Variants in PLCB4 observed in about 807,000 individuals in gnomAD.
PLCB4 encodes phospholipase C beta 4.
Under a neutral mutation model 178.8 loss-of-function variants are expected in PLCB4, and 77 were observed. The observed-to-expected ratio is 0.43, with a 90% confidence interval of 0.36 to 0.52. The LOEUF is 0.52. PLCB4 is among the 20% of genes least tolerant of loss of function. PLCB4 has a pLI of 0.00. For missense variants in PLCB4, 1,024 were observed against 1,453.4 expected (o/e 0.70, Z 4.80); for synonymous variants, 496 against 490.8 (o/e 1.01, Z -0.14).
chr20:9,437,090 G>T lies in PLCB4; in HGVS notation c.2702G>T (p.Ser901Ile). ...NTAKANVTPQSSSELRPTTTA... is the reference protein window; with the variant it reads ...NTAKANVTPQISSELRPTTTA... Reference sequence around the variant, plus strand: ...GCCAAAGCAAATGTGACCCCTCAGAGTAGCTCTGAGCTCAGACCAACCACC... The same window carrying T: ...GCCAAAGCAAATGTGACCCCTCAGATTAGCTCTGAGCTCAGACCAACCACC... Residue 901 changes from serine to isoleucine, a missense_variant, in exon 30 of 40, where the codon AGT becomes ATT. Transcript: ENST00000378473. 6.2e-7 allele frequency: 1 copy of T among 1,614,102 alleles called. No individual in the cohort carries two copies. The highest frequency in any genetic ancestry group is 8.5e-7 in the Non-Finnish European group (1 of 1,179,972).
intron 3 of PLCB4, among the ~76,000 whole-genome samples, chr20:9,229,165 C>CT (rs1277339014): frequency 6.6e-6 from 1 of 152,092 alleles, no homozygotes; most frequent in African/African-American, 2.4e-5. Context: ...ATAAAGCAGC[C>CT]TTTTTTAAGG....
chr20:9,374,094 A>G (rs945160396), intron 12 of PLCB4, among the ~76,000 whole-genome samples: 1 of 152,208 alleles, frequency 6.6e-6, no homozygotes. Flanking sequence ...GCCACTTCAT[A>G]GAGACAAATT....
At chr20:9,476,128 G>C (rs2044526321) in intron 38 of PLCB4, among the ~76,000 whole-genome samples, 1 of 152,176 alleles carries the variant, frequency 6.6e-6, no homozygotes, top group Non-Finnish European at 1.5e-5. Flanking sequence ...AACCAGTGTT[G>C]GGGGCACTGG....
chr20:9,418,479 A>G (rs1466852940), intron 25 of PLCB4, among the ~76,000 whole-genome samples: 1 of 152,152 alleles, frequency 6.6e-6, no homozygotes, highest in Non-Finnish European at 1.5e-5. Context: ...GGCCATAGAT[A>G]ACGTGGATTT....
At chr20:9,143,131 G>A (rs1285358245) in intron 2 of PLCB4, among the ~76,000 whole-genome samples, 1 of 152,090 alleles carries the variant, frequency 6.6e-6, no homozygotes, top group Admixed American at 6.6e-5. Flanking sequence ...CCATCCCTGT[G>A]ACTTGTACCT....
intron 3 of PLCB4, among the ~76,000 whole-genome samples, chr20:9,244,207 A>C (rs1429292961): frequency 1.3e-5 from 2 of 152,178 alleles, no homozygotes; most frequent in Non-Finnish European, 2.9e-5. Context: ...GAACTTTCCC[A>C]CATTTTCTAG....
intron 2 of PLCB4, among the ~76,000 whole-genome samples, chr20:9,178,190 G>A (rs537245265): frequency 6.5e-4 from 99 of 152,164 alleles, no homozygotes; most frequent in African/African-American, 2.0e-3. Context: ...CTGTGGTGGC[G>A]GGATCCTGTA....
chr20:9,292,983 G>A (rs907307510), intron 3 of PLCB4, among the ~76,000 whole-genome samples: 3 of 152,164 alleles, frequency 2.0e-5, no homozygotes, highest in Non-Finnish European at 4.4e-5. Flanking sequence ...GGAGGCTGAG[G>A]CAGGAGAATC....
At chr20:9,463,062 G>A (rs147514867) in intron 35 of PLCB4, among the ~76,000 whole-genome samples, 44 of 152,250 alleles carry the variant, frequency 2.9e-4, no homozygotes, top group African/African-American at 8.4e-4. Context: ...GACTAACAGC[G>A]GACCTCTCGG....
chr20:9,209,559 CAG>C (rs940131985), intron 2 of PLCB4, among the ~76,000 whole-genome samples: 3 of 152,148 alleles, frequency 2.0e-5, no homozygotes, highest in Non-Finnish European at 4.4e-5. Flanking sequence ...AAGATTCCAT[CAG>C]GGGAGATTCT....
intron 3 of PLCB4, among the ~76,000 whole-genome samples, chr20:9,292,532 A>T (rs2094589281): frequency 6.6e-6 from 1 of 152,176 alleles, no homozygotes; most frequent in African/African-American, 2.4e-5. Context: ...TTACTAAGGG[A>T]CAGTGATCAG....
intron 5 of PLCB4, among the ~76,000 whole-genome samples, chr20:9,337,801 A>G (rs140658468): frequency 1.8e-4 from 28 of 151,950 alleles, no homozygotes; most frequent in Non-Finnish European, 2.6e-4. Context: ...ATATGTATGT[A>G]TATATATATA....
At chr20:9,395,438 G>A (rs1035283391) in intron 18 of PLCB4, 85 bp from the exon 19 acceptor site, 36 of 849,920 alleles carry the variant, frequency 4.2e-5, no homozygotes, top group South Asian at 3.1e-4. Context: ...CTCTTTTCAC[G>A]TCCTCCTCAG....
chr20:9,191,749 C>T (rs2093407227), intron 2 of PLCB4, among the ~76,000 whole-genome samples: 1 of 152,082 alleles, frequency 6.6e-6, no homozygotes, highest in South Asian at 2.1e-4. Context: ...TCCCTTCTCC[C>T]CTCCAGCACC....
chr20:9,413,403 G>T (rs528746786), intron 25 of PLCB4, among the ~76,000 whole-genome samples: 3 of 152,010 alleles, frequency 2.0e-5, no homozygotes, highest in Non-Finnish European at 2.9e-5. Flanking sequence ...CTCACACCTG[G>T]AATCCCAGCA....
intron 5 of PLCB4, among the ~76,000 whole-genome samples, 172 bp downstream of exon 5, chr20:9,337,378 A>G (rs557693064): frequency 1.3e-5 from 2 of 152,334 alleles, no homozygotes; most frequent in East Asian, 1.9e-4. Context: ...ATGATTAAGG[A>G]CATTATCCTC....
chr20:9,427,613 C>G lies in PLCB4; in HGVS notation c.2524+3661C>G, dbSNP rs925571914. Among the ~76,000 whole-genome samples the G allele has an allele frequency of 4.6e-5, 7 of 152,286 alleles. No homozygotes were observed. The East Asian group carries it at 1.3e-3, about 29-fold the overall frequency. ...CTTTATCTGTGGGTGCCAACGCCACCGTAGATGGCATTTGCCCATTGCAAG... is the reference window on the plus strand; with the variant it reads ...CTTTATCTGTGGGTGCCAACGCCACGGTAGATGGCATTTGCCCATTGCAAG... On this transcript the variant is annotated intron_variant, in intron 28 of 39. Coordinates refer to ENST00000378473, the MANE Select transcript of PLCB4 (RefSeq NM_001377142.1).
chr20:9,304,697 G>A (rs1184744179), intron 3 of PLCB4, among the ~76,000 whole-genome samples: 2 of 151,982 alleles, frequency 1.3e-5, no homozygotes, highest in African/African-American at 2.4e-5. Flanking sequence ...GATGCTGCGT[G>A]CTCACATGCT....
At chr20:9,306,668 C>G (rs937569484) in intron 3 of PLCB4, among the ~76,000 whole-genome samples, 1 of 152,102 alleles carries the variant, frequency 6.6e-6, no homozygotes, top group African/African-American at 2.4e-5. Flanking sequence ...GGTGTTCTTC[C>G]ATGTTCTTTG....
Sources: gnomAD v4.1 joint callset for allele counts (sites outside exome capture counted in the v4.1 genomes callset) on GRCh38, gnomAD v4.1.1 for gene constraint, MANE v1.5 for transcripts, NCBI Gene and HGNC (gene_info 2026-07-23, HGNC 2026-07-21) for gene names.